SCARA3: variants seen among roughly 807,000 people sequenced by gnomAD.
The protein encoded by SCARA3 is cellular stress response gene protein.
Under a neutral mutation model 47.0 loss-of-function variants are expected in SCARA3, and 39 were observed. That is an observed-to-expected ratio of 0.83 (90% CI 0.64 to 1.08). The LOEUF is 1.08. SCARA3 is among the 50% of genes least tolerant of loss of function. SCARA3 has a pLI of 0.00. For missense variants in SCARA3, 724 were observed against 792.3 expected, an observed-to-expected ratio of 0.91 and a Z score of 1.04; for synonymous variants, 356 against 334.1, an observed-to-expected ratio of 1.07 and a Z score of -0.71.
chr8:27,633,530 C>T (rs934240436), upstream of SCARA3, among the ~76,000 whole-genome samples: 7 of 152,192 alleles, frequency 4.6e-5, no homozygotes, highest in East Asian at 1.2e-3. Context: ...AATCTGGGGT[C>T]CCCACCCCTG....
the SCARA3 span, among the ~76,000 whole-genome samples, chr8:27,721,930 A>G: frequency 1.3e-5 from 2 of 152,106 alleles, no homozygotes; most frequent in Non-Finnish European, 2.9e-5. Context: ...AAAAAGAAAA[A>G]ATACAAAAAT....
chr8:27,674,544 G>A (rs940502096), downstream of SCARA3, among the ~76,000 whole-genome samples: 12 of 152,048 alleles, frequency 7.9e-5, no homozygotes, highest in African/African-American at 2.9e-4. Context: ...TGCCCTGCTC[G>A]GTTATTTTCT....
At chr8:27,723,940 T>A in the SCARA3 span, among the ~76,000 whole-genome samples, 2 of 152,256 alleles carry the variant, frequency 1.3e-5, no homozygotes, top group Admixed American at 1.3e-4. Flanking sequence ...TTCACCACGT[T>A]GGCCAGGCTG....
chr8:27,711,995 G>A, the SCARA3 span, among the ~76,000 whole-genome samples: 74 of 152,250 alleles, frequency 4.9e-4, no homozygotes, highest in African/African-American at 1.7e-3. Context: ...GTATAATGAC[G>A]GGTATCCACC....
At chr8:27,724,766 C>CTT in the SCARA3 span, among the ~76,000 whole-genome samples, 1 of 152,148 alleles carries the variant, frequency 6.6e-6, no homozygotes, top group Non-Finnish European at 1.5e-5. Context: ...TGAGACCTAT[C>CTT]CCATTCTTCC....
the SCARA3 span, among the ~76,000 whole-genome samples, chr8:27,704,027 G>A: frequency 6.6e-6 from 1 of 151,854 alleles, no homozygotes; most frequent in Non-Finnish European, 1.5e-5. Context: ...CTTAAGGGGA[G>A]AGAGGGCAAG....
Position 27,659,411 on chromosome 8 carries a change from G to T in SCARA3, c.1241G>T (p.Arg414Leu). The T allele has an allele frequency of 1.9e-6, 3 of 1,613,738 alleles. No homozygotes were observed. Among genetic ancestry groups the T allele is most frequent in the Non-Finnish European group, 1.7e-6 (2 of 1,179,840 alleles). Residue 414 changes from arginine (R) to leucine (L), a missense_variant, in exon 5 of 6, where the codon CGG (arginine) becomes CTG (leucine). By Grantham distance (102) the Arg-to-Leu change is moderately radical (BLOSUM62 -2). Transcript: ENST00000301904. ...ATGCTGGGCACCACAGACCTGCTCC[G>T]GGAGCGCTTCAGCCTGCTCAGTGCC... The part of the protein sequence containing the change: ...SIMLGTTDLL[R>L]ERFSLLSARL...
intron 1 of SCARA3, among the ~76,000 whole-genome samples, chr8:27,649,266 A>G (rs1801578417): frequency 4.6e-5 from 7 of 152,166 alleles, no homozygotes; most frequent in Admixed American, 2.6e-4. Context: ...TGCTGGAGGC[A>G]GAGTCTTGGT....
chr8:27,695,325 A>G, the SCARA3 span, among the ~76,000 whole-genome samples: 1 of 152,230 alleles, frequency 6.6e-6, no homozygotes, highest in African/African-American at 2.4e-5. Flanking sequence ...CAGATTTGCC[A>G]TAACAAAGCA....
chr8:27,643,757 A>G (rs749319391), intron 1 of SCARA3, among the ~76,000 whole-genome samples: 12 of 152,224 alleles, frequency 7.9e-5, no homozygotes, highest in African/African-American at 1.4e-4. Context: ...TTATCAAAAT[A>G]TGTTCCTTGA....
At chr8:27,655,409 C>G (rs1199866628) in intron 3 of SCARA3, among the ~76,000 whole-genome samples, 1 of 152,214 alleles carries the variant, frequency 6.6e-6, no homozygotes, top group African/African-American at 2.4e-5. Context: ...CACTACCAGG[C>G]CCATTCAGGC....
the SCARA3 span, among the ~76,000 whole-genome samples, chr8:27,704,752 T>TCACACA: frequency 6.7e-6 from 1 of 149,666 alleles, no homozygotes; most frequent in African/African-American, 2.5e-5. Flanking sequence ...TAGGATTCCA[T>TCACACA]CACACACACA....
At chr8:27,661,392 T>C (rs1801910226) in intron 5 of SCARA3, among the ~76,000 whole-genome samples, 1 of 152,222 alleles carries the variant, frequency 6.6e-6, no homozygotes, top group South Asian at 2.1e-4. Flanking sequence ...CTTGAGTGAA[T>C]TTTATTCTTT....
At chr8:27,687,998 A>G in the SCARA3 span, among the ~76,000 whole-genome samples, 1 of 152,174 alleles carries the variant, frequency 6.6e-6, no homozygotes, top group Non-Finnish European at 1.5e-5. Context: ...CCTGGGCGAC[A>G]AGAGTGAAAC....
downstream of SCARA3, among the ~76,000 whole-genome samples, chr8:27,674,470 C>T (rs896386380): frequency 4.6e-5 from 7 of 152,298 alleles, no homozygotes; most frequent in African/African-American, 1.7e-4. Context: ...ACTGGTCTTG[C>T]CTCCATTGAG....
the SCARA3 span, chr8:27,733,671 C>T: frequency 6.6e-6 from 1 of 152,206 alleles, no homozygotes; most frequent in African/African-American, 2.4e-5. Context: ...CACTCAGTCA[C>T]TCTAATATGA....
chr8:27,718,935 C>T, the SCARA3 span, among the ~76,000 whole-genome samples: 4 of 152,116 alleles, frequency 2.6e-5, no homozygotes, highest in South Asian at 2.1e-4. Context: ...ACTTAAGCTC[C>T]GGGAAATCCA....
At chr8:27,640,903 C>G (rs1316029374) in intron 1 of SCARA3, among the ~76,000 whole-genome samples, 1 of 152,170 alleles carries the variant, frequency 6.6e-6, no homozygotes, top group Non-Finnish European at 1.5e-5. Context: ...CACCCTGTTC[C>G]CCAGGCTGAT....
chr8:27,675,578 T>C (rs1802262790), downstream of SCARA3, among the ~76,000 whole-genome samples: 1 of 152,244 alleles, frequency 6.6e-6, no homozygotes, highest in South Asian at 2.1e-4. Context: ...TCACTTGAGG[T>C]CAGGAGTTCA....
Sources: allele counts gnomAD v4.1 joint callset (sites outside exome capture counted in the v4.1 genomes callset), GRCh38; gene constraint gnomAD v4.1.1; transcripts MANE v1.5; gene names NCBI Gene and HGNC (gene_info 2026-07-23, HGNC 2026-07-21).